TBC1D1: variants seen among roughly 807,000 people sequenced by gnomAD.
TBC1D1 encodes TBC1 domain family member 1.
In TBC1D1, 89 loss-of-function variants were observed where a neutral mutation model predicts 125.6. That is an observed-to-expected ratio of 0.71 (90% CI 0.60 to 0.85). The LOEUF (loss-of-function observed/expected upper bound fraction) is 0.85, where lower values mean the gene tolerates loss of function less well. Ranked by LOEUF, TBC1D1 falls within the 40% of genes least tolerant of loss-of-function variation. The pLI is 0.00. For missense variants in TBC1D1, 1,377 were observed against 1,469.2 expected, an observed-to-expected ratio of 0.94 and a Z score of 1.03; for synonymous variants, 565 against 564.1, an observed-to-expected ratio of 1.00 and a Z score of -0.02.
intron 2 of TBC1D1, among the ~76,000 whole-genome samples, chr4:37,904,857 A>T (rs1468995900): frequency 6.6e-6 from 1 of 152,214 alleles, no homozygotes; most frequent in Non-Finnish European, 1.5e-5. Context: ...AGCGTGATAG[A>T]TTTTCTGTTC....
intron 2 of TBC1D1, among the ~76,000 whole-genome samples, chr4:37,931,667 G>A (rs1025209712): frequency 1.3e-5 from 2 of 151,856 alleles, no homozygotes; most frequent in East Asian, 1.9e-4. Context: ...TAGTAGAGAC[G>A]GGGTTTCACC....
intron 2 of TBC1D1, among the ~76,000 whole-genome samples, chr4:38,011,820 C>T (rs1299270355): frequency 6.6e-6 from 1 of 152,198 alleles, no homozygotes; most frequent in Non-Finnish European, 1.5e-5. Context: ...ACCACAACCT[C>T]GATTGTGACC....
intron 12 of TBC1D1, among the ~76,000 whole-genome samples, chr4:38,060,854 A>G (rs1434139473): frequency 6.6e-6 from 1 of 152,194 alleles, no homozygotes; most frequent in Non-Finnish European, 1.5e-5. Flanking sequence ...CAAGCTCCCC[A>G]GTGAGGCTGA....
At chr4:38,062,881 A>C (rs537165272) in intron 12 of TBC1D1, among the ~76,000 whole-genome samples, 4 of 152,246 alleles carry the variant, frequency 2.6e-5, no homozygotes, top group Non-Finnish European at 5.9e-5. Context: ...AGGAGGGCTG[A>C]GGGGAAGAGG....
intron 13 of TBC1D1, among the ~76,000 whole-genome samples, chr4:38,095,484 A>G (rs764642256): frequency 1.3e-5 from 2 of 152,214 alleles, no homozygotes; most frequent in Non-Finnish European, 2.9e-5. Context: ...GGTAGAAGCT[A>G]CCAAATGGAG....
At chr4:38,000,648 A>G (rs1375715974) in intron 2 of TBC1D1, among the ~76,000 whole-genome samples, 4 of 152,198 alleles carry the variant, frequency 2.6e-5, no homozygotes, top group South Asian at 2.1e-4. Context: ...CACTTCTGAC[A>G]TCAGATGTGT....
chr4:38,036,711 C>G (rs1024117398), intron 8 of TBC1D1, among the ~76,000 whole-genome samples: 9 of 152,196 alleles, frequency 5.9e-5, no homozygotes, highest in Non-Finnish European at 1.3e-4. Flanking sequence ...TCCCTGAACA[C>G]TTGGGCTGGT....
chr4:37,945,384 AC>A (rs931340707), intron 2 of TBC1D1, among the ~76,000 whole-genome samples: 9 of 151,834 alleles, frequency 5.9e-5, no homozygotes, highest in African/African-American at 2.2e-4. Context: ...ATGGTGGTGC[AC>A]ACCTGTAGTC....
intron 2 of TBC1D1, among the ~76,000 whole-genome samples, chr4:37,929,022 C>T (rs1313931220): frequency 6.6e-6 from 1 of 152,220 alleles, no homozygotes; most frequent in African/African-American, 2.4e-5. Context: ...TCTGAGCTAG[C>T]TCATCATTGT....
rs745780166 is a variant in TBC1D1, at chr4:38,054,268, C to G, written c.1980C>G (p.Ser660=). The G allele has an allele frequency of 6.2e-7, 1 of 1,614,088 alleles. No homozygotes were observed. The highest frequency in any genetic ancestry group is 1.3e-5 in the African/African-American group (1 of 74,930). ...CTCCTGTGAAGACCCGGAGGCATTCCTGGAGGCAGCAGATATTCCTCCGAG... is the reference window on the plus strand; with the variant it reads ...CTCCTGTGAAGACCCGGAGGCATTCGTGGAGGCAGCAGATATTCCTCCGAG... The change falls in exon 12 of 20, where the codon TCC becomes TCG. Residue 660 remains serine (S), a synonymous_variant. Transcript: ENST00000261439.
chr4:38,005,072 G>A (rs536863845), intron 2 of TBC1D1, among the ~76,000 whole-genome samples: 13 of 152,198 alleles, frequency 8.5e-5, no homozygotes, highest in Middle Eastern at 3.4e-3. Flanking sequence ...AGCCGTAACC[G>A]TCTTGCATCT....
chr4:38,055,806 T>G (rs974521019), intron 12 of TBC1D1, among the ~76,000 whole-genome samples: 1 of 152,092 alleles, frequency 6.6e-6, no homozygotes, highest in Non-Finnish European at 1.5e-5. Context: ...TCCTCCCAGG[T>G]CCTGTAGCAC....
chr4:38,124,596 C>T (rs1020714348), intron 17 of TBC1D1, among the ~76,000 whole-genome samples: 1 of 152,130 alleles, frequency 6.6e-6, no homozygotes, highest in African/African-American at 2.4e-5. Flanking sequence ...ATTTCTGATG[C>T]TTTATCTATA....
At chr4:37,979,648 A>G (rs1346847921) in intron 2 of TBC1D1, among the ~76,000 whole-genome samples, 1 of 152,256 alleles carries the variant, frequency 6.6e-6, no homozygotes, top group Non-Finnish European at 1.5e-5. Context: ...ACACCTGCAC[A>G]TCCAGTTACG....
chr4:38,048,848 C>T lies in TBC1D1; in HGVS notation c.1630-770C>T, dbSNP rs1749955864. 2.0e-5 allele frequency among the ~76,000 whole-genome samples: 3 copies of T among 152,112 alleles called. No homozygotes were observed. The South Asian group carries it at 6.2e-4, about 32-fold the overall frequency. On this transcript the variant is annotated intron_variant, in intron 10 of 19. Coordinates refer to ENST00000261439, the MANE Select transcript of TBC1D1 (RefSeq NM_015173.4). Reference sequence around the variant, plus strand: ...TTCATTCCTTTGAAAAAGCGTGCATCGTGAAGGCATACAACTTTAAAATAT... The same window carrying T: ...TTCATTCCTTTGAAAAAGCGTGCATTGTGAAGGCATACAACTTTAAAATAT...
chr4:37,899,013 C>T (rs1715244922), intron 1 of TBC1D1, among the ~76,000 whole-genome samples: 1 of 152,086 alleles, frequency 6.6e-6, no homozygotes, highest in Admixed American at 6.5e-5. Context: ...AGGTAGAAGA[C>T]TTCAGATTGT....
intron 12 of TBC1D1, among the ~76,000 whole-genome samples, chr4:38,071,348 C>T (rs1754671548): frequency 6.6e-6 from 1 of 152,034 alleles, no homozygotes; most frequent in African/African-American, 2.4e-5. Context: ...AGTAAAATTT[C>T]AGTTTGTTAT....
chr4:37,920,334 G>C (rs1232466547), intron 2 of TBC1D1, among the ~76,000 whole-genome samples: 1 of 152,144 alleles, frequency 6.6e-6, no homozygotes, highest in Non-Finnish European at 1.5e-5. Flanking sequence ...GCCACTAGGT[G>C]AGCTCTCTTC....
chr4:37,946,752 C>T (rs1048273896), intron 2 of TBC1D1, among the ~76,000 whole-genome samples: 4 of 152,126 alleles, frequency 2.6e-5, no homozygotes, highest in Admixed American at 1.3e-4. Flanking sequence ...GTGGGAGTTG[C>T]GGCAGTGTCG....
Sources: allele counts gnomAD v4.1 joint callset (sites outside exome capture counted in the v4.1 genomes callset), GRCh38; gene constraint gnomAD v4.1.1; transcripts MANE v1.5; gene names NCBI Gene and HGNC (gene_info 2026-07-23, HGNC 2026-07-21).